PPP2R2B: variants seen among roughly 807,000 people sequenced by gnomAD.
PPP2R2B encodes the protein serine/threonine-protein phosphatase 2A 55 kDa regulatory subunit B beta isoform.
In PPP2R2B, 5 loss-of-function variants were observed where a neutral mutation model predicts 46.0. That is an observed-to-expected ratio of 0.11 (90% confidence interval 0.06 to 0.23). The LOEUF (loss-of-function observed/expected upper bound fraction) is 0.23, where lower values mean the gene tolerates loss of function less well. PPP2R2B is among the 10% of genes least tolerant of loss of function. The pLI is 1.00. For synonymous variants in PPP2R2B, 215 were observed against 206.7 expected (o/e 1.04, Z -0.34); for missense variants, 367 against 575.0 (o/e 0.64, Z 3.70).
chr5:146,895,481 C>A (rs1762617103), intron 1 of PPP2R2B, among the ~76,000 whole-genome samples: 1 of 152,164 alleles, frequency 6.6e-6, no homozygotes, highest in South Asian at 2.1e-4. Flanking sequence ...TAAGTACTGA[C>A]ACACAAAAGT....
intron 5 of PPP2R2B, among the ~76,000 whole-genome samples, chr5:146,656,892 C>T (rs1201548711): frequency 6.6e-6 from 1 of 152,148 alleles, no homozygotes; most frequent in Non-Finnish European, 1.5e-5. Flanking sequence ...CTCTGCTCAC[C>T]CGCTTTGAGT....
rs149001693 is a variant in PPP2R2B, at chr5:146,775,073, T to C, written c.71-73931A>G. Reference sequence around the variant, plus strand: ...ACATTTAAAGAAGAATTAACACCAATCCTTCTCAAACTCTTTCAAAAAAAC... The same window carrying C: ...ACATTTAAAGAAGAATTAACACCAACCCTTCTCAAACTCTTTCAAAAAAAC... On this transcript the variant is annotated intron_variant, in intron 2 of 9. Coordinates refer to ENST00000394411, the MANE Select transcript of PPP2R2B (RefSeq NM_181675.4). Among the ~76,000 whole-genome samples the C allele has an allele frequency of 4.2e-3, 633 of 152,202 alleles. 1 individual carries two copies. Among genetic ancestry groups the C allele is most frequent in the Non-Finnish European group, 6.7e-3 (457 of 68,010 alleles).
At chr5:146,807,462 A>G (rs1757245064) in intron 2 of PPP2R2B, among the ~76,000 whole-genome samples, 1 of 152,212 alleles carries the variant, frequency 6.6e-6, no homozygotes, top group South Asian at 2.1e-4. Context: ...GGGTTTAGAT[A>G]TACAAGATGA....
At chr5:146,800,036 GA>G (rs1003746901) in intron 2 of PPP2R2B, among the ~76,000 whole-genome samples, 5 of 151,276 alleles carry the variant, frequency 3.3e-5, no homozygotes, top group African/African-American at 7.3e-5. Context: ...GAATCGATCT[GA>G]AAAAAAACCT....
At chr5:146,901,901 C>T (rs898256472) in intron 1 of PPP2R2B, among the ~76,000 whole-genome samples, 1 of 152,118 alleles carries the variant, frequency 6.6e-6, no homozygotes, top group Non-Finnish European at 1.5e-5. Flanking sequence ...GGAACTGAAA[C>T]TGTGCCAAAG....
chr5:146,992,743 T>TGG (rs1753750426), intron 1 of PPP2R2B, among the ~76,000 whole-genome samples: 1 of 152,130 alleles, frequency 6.6e-6, no homozygotes, highest in African/African-American at 2.4e-5. Context: ...CTCACCCCAG[T>TGG]GGGATGTTGA....
At chr5:146,922,579 T>C (rs1763643740) in intron 1 of PPP2R2B, 2 of 152,246 alleles carry the variant, frequency 1.3e-5, no homozygotes, top group Non-Finnish European at 2.9e-5. Context: ...GACTTCACAA[T>C]AGTCAATGTT....
chr5:147,044,605 T>C (rs991884454), intron 1 of PPP2R2B, among the ~76,000 whole-genome samples: 1 of 152,186 alleles, frequency 6.6e-6, no homozygotes, highest in African/African-American at 2.4e-5. Context: ...TTTAAGCTTC[T>C]GCAGGATTTT....
chr5:146,859,340 A>G (rs1254865453), intron 2 of PPP2R2B, among the ~76,000 whole-genome samples: 1 of 152,200 alleles, frequency 6.6e-6, no homozygotes, highest in Non-Finnish European at 1.5e-5. Context: ...TTCCTTGCCT[A>G]ATATTTAGCT....
chr5:146,586,275 G>C lies in PPP2R2B; in HGVS notation c.*3672C>G, dbSNP rs184276368. 1 of 152,350 alleles carries C rather than the reference G, an allele frequency of 6.6e-6. No individual in the cohort carries two copies. Among genetic ancestry groups the C allele is most frequent in the East Asian group, 1.9e-4 (1 of 5,190 alleles). 9.4% of individuals were successfully genotyped at this position (152,350 alleles called of 1,614,324 possible). A position where few individuals can be genotyped will look rare whatever the true frequency, so the allele number is the denominator to read the frequency against. Reference sequence around the variant, plus strand: ...CCGGCTTCATCCACACATTCATCACGGAAGAGGGAAAATTAGTAAGGGTTC... The same window carrying C: ...CCGGCTTCATCCACACATTCATCACCGAAGAGGGAAAATTAGTAAGGGTTC... On this transcript the variant is annotated 3_prime_UTR_variant, in exon 10 of 10. Coordinates refer to ENST00000394411, the MANE Select transcript of PPP2R2B (RefSeq NM_181675.4).
At chr5:146,877,948 G>T (rs1761996618) in intron 2 of PPP2R2B, 54 bp downstream of exon 2, 3 of 1,576,560 alleles carry the variant, frequency 1.9e-6, no homozygotes, top group African/African-American at 1.3e-5. Context: ...GAAGCACAGT[G>T]ATCCGCAACT....
intron 1 of PPP2R2B, among the ~76,000 whole-genome samples, chr5:147,014,630 G>A (rs1182291972): frequency 5.3e-5 from 8 of 150,732 alleles, no homozygotes; most frequent in Admixed American, 1.3e-4. Flanking sequence ...GTAAACTATC[G>A]CAAGAACAAA....
intron 2 of PPP2R2B, among the ~76,000 whole-genome samples, chr5:146,746,921 C>T (rs1028398375): frequency 6.6e-6 from 1 of 152,124 alleles, no homozygotes; most frequent in Non-Finnish European, 1.5e-5. Context: ...GTTCATATGG[C>T]GAGTCCGAAT....
At chr5:146,686,087 G>C (rs1389083393) in intron 5 of PPP2R2B, among the ~76,000 whole-genome samples, 1 of 152,182 alleles carries the variant, frequency 6.6e-6, no homozygotes, top group Non-Finnish European at 1.5e-5. Flanking sequence ...CCGTTTTCTA[G>C]CCATGAGATT....
At chr5:146,706,122 C>T (rs1015347479) in intron 2 of PPP2R2B, among the ~76,000 whole-genome samples, 2 of 152,162 alleles carry the variant, frequency 1.3e-5, no homozygotes, top group Non-Finnish European at 2.9e-5. Flanking sequence ...TCTCCTGTTC[C>T]CTGTGCTTCC....
chr5:146,899,183 A>G (rs1185580386), intron 1 of PPP2R2B, among the ~76,000 whole-genome samples: 1 of 146,774 alleles, frequency 6.8e-6, no homozygotes, highest in African/African-American at 2.6e-5. Flanking sequence ...ACGTATGTTT[A>G]TTGCAGCACT....
intron 8 of PPP2R2B, among the ~76,000 whole-genome samples, chr5:146,599,346 G>A (rs1265464080): frequency 3.9e-5 from 6 of 152,050 alleles, no homozygotes; most frequent in Non-Finnish European, 5.9e-5. Flanking sequence ...CCATCTGCAC[G>A]CTACCATCAC....
chr5:146,723,892 C>G (rs1751681553), intron 2 of PPP2R2B, among the ~76,000 whole-genome samples: 1 of 152,132 alleles, frequency 6.6e-6, no homozygotes, highest in Non-Finnish European at 1.5e-5. Flanking sequence ...AACAAATCCA[C>G]AAATCTCATT....
intron 2 of PPP2R2B, among the ~76,000 whole-genome samples, chr5:146,863,641 TATCC>T (rs3062349): frequency 0.11 from 16,612 of 150,514 alleles, 1,337 homozygotes; most frequent in African/African-American, 0.24. Context: ...TCCATCCATC[TATCC>T]ATCCATCCAT....
Sources: allele counts gnomAD v4.1 joint callset (sites outside exome capture counted in the v4.1 genomes callset), GRCh38; gene constraint gnomAD v4.1.1; transcripts MANE v1.5; gene names NCBI Gene and HGNC (gene_info 2026-07-23, HGNC 2026-07-21).